CELF2: variants seen among roughly 807,000 people sequenced by gnomAD.
CELF2 encodes CUGBP Elav-like family member 2.
CELF2 carries 8 observed loss-of-function variants against 62.6 expected under a neutral mutation model. The ratio of observed to expected loss-of-function variants is 0.13; its 90% CI spans 0.07 to 0.23. The LOEUF (loss-of-function observed/expected upper bound fraction) is 0.23. Among genes scored for constraint, CELF2 ranks in the 10% least tolerant of loss-of-function variants. The pLI, the probability that CELF2 is intolerant of heterozygous loss-of-function variation, is 1.00. For synonymous variants in CELF2, 258 were observed against 250.0 expected (o/e 1.03, Z -0.30); for missense variants, 333 against 671.0 (o/e 0.50, Z 5.56).
chr10:11,167,601 T>A (rs1455622132), intron 2 of CELF2, among the ~76,000 whole-genome samples: 1 of 152,246 alleles, frequency 6.6e-6, no homozygotes. Flanking sequence ...GTCTCTCTCT[T>A]GCCCAGATGT....
At chr10:10,479,233 A>G in the CELF2 span, among the ~76,000 whole-genome samples, 4 of 152,134 alleles carry the variant, frequency 2.6e-5, no homozygotes, top group East Asian at 1.9e-4. Context: ...CAGTGGCACA[A>G]TCTCAGGTCA....
chr10:10,903,183 G>T (rs2063071222), intron 1 of CELF2, among the ~76,000 whole-genome samples: 1 of 152,166 alleles, frequency 6.6e-6, no homozygotes, highest in African/African-American at 2.4e-5. Context: ...CCACTGGAAT[G>T]CTGGCTCACA....
chr10:10,735,473 T>C, the CELF2 span, among the ~76,000 whole-genome samples: 2 of 152,190 alleles, frequency 1.3e-5, no homozygotes, highest in South Asian at 2.1e-4. Flanking sequence ...GTAGCAATGA[T>C]ATGCTTTATA....
chr10:10,645,230 G>A, the CELF2 span, among the ~76,000 whole-genome samples: 1 of 152,164 alleles, frequency 6.6e-6, no homozygotes, highest in East Asian at 1.9e-4. Flanking sequence ...GTTTCAGGGA[G>A]AAGCACCATT....
rs1019253310 is a variant in CELF2, at chr10:10,850,170, T to G, written c.53+51353T>G. On this transcript the variant is annotated intron_variant, in intron 1 of 13. Coordinates refer to the CELF2 transcript ENST00000636488. ...TCTCAAAAATAAAAAAATTAAAAAA[T>G]TGGCCAATATAAGTAGCAAAGGAAG... 2.0e-5 allele frequency among the ~76,000 whole-genome samples: 3 copies of G among 151,750 alleles called. No homozygotes were observed. The East Asian group carries it at 5.8e-4, about 29-fold the overall frequency.
rs1458934051 is a variant in CELF2, at chr10:11,145,565, A to T, written c.75-19921A>T. Among the ~76,000 whole-genome samples the T allele has an allele frequency of 6.6e-6, 1 of 152,210 alleles. No individual in the cohort carries two copies. The highest frequency in any genetic ancestry group is 6.5e-5 in the Admixed American group (1 of 15,288). On this transcript the variant is annotated intron_variant, in intron 1 of 12. Coordinates refer to ENST00000633077, the MANE Select transcript of CELF2 (RefSeq NM_001326342.2). The surrounding 1 kb of genome is among the most constrained non-coding windows in gnomAD (Gnocchi z 4.3). ...GGAAATCTATATTCTCAAATCAGCT[A>T]CTGAAAAGGGTGGGGACGCTGAAGG... is the stretch of plus-strand genomic sequence containing the variant.
chr10:11,066,278 A>G lies in CELF2; in HGVS notation c.74+48115A>G, dbSNP rs1471385409. ...AATTTCATCTCTTTTCTGGAACCAC[A>G]CCTTTTTTTTCCTTCTCTGAAAATT... On this transcript the variant is annotated intron_variant, in intron 1 of 12. Transcript: ENST00000633077. Among the ~76,000 whole-genome samples the G allele has an allele frequency of 2.6e-5, 4 of 151,790 alleles. No homozygotes were observed. The East Asian group carries it at 7.7e-4, about 29-fold the overall frequency.
intron 1 of CELF2, among the ~76,000 whole-genome samples, chr10:10,904,281 C>T (rs1409642144): frequency 6.6e-6 from 1 of 151,212 alleles, no homozygotes; most frequent in Non-Finnish European, 1.5e-5. Flanking sequence ...GGCTAGAGTG[C>T]AGTGGTGTGA....
chr10:11,299,453 G>A (rs1328832231), intron 9 of CELF2, among the ~76,000 whole-genome samples: 1 of 151,998 alleles, frequency 6.6e-6, no homozygotes, highest in Non-Finnish European at 1.5e-5. Flanking sequence ...TGGACAAGCT[G>A]CCCCCCAACC....
At chr10:10,611,963 G>A in the CELF2 span, among the ~76,000 whole-genome samples, 1 of 152,154 alleles carries the variant, frequency 6.6e-6, no homozygotes, top group African/African-American at 2.4e-5. Context: ...ACTCCAAGGA[G>A]ATCCATGATT....
chr10:11,163,823 C>T (rs1209358685), intron 1 of CELF2, among the ~76,000 whole-genome samples: 1 of 152,216 alleles, frequency 6.6e-6, no homozygotes, highest in Admixed American at 6.5e-5. Context: ...CAGGATTTTT[C>T]CTTACCCCGT....
Position 11,329,310 on chromosome 10 carries a change from G to GT in CELF2, c.*257_*258insT. On this transcript the variant is annotated 3_prime_UTR_variant, in exon 13 of 13. Coordinates refer to ENST00000633077, the MANE Select transcript of CELF2 (RefSeq NM_001326342.2). The surrounding 1 kb of genome is among the most constrained non-coding windows in gnomAD (Gnocchi z 5.5). ...GCCACTGTATTCTCCTTTGTTTTGC[G>GT]ATTTGAATCTCCTTTTACCTTTTTT... The GT allele has an allele frequency of 3.4e-6, 1 of 289,910 alleles. No homozygotes were observed. The allele number at this position is 289,910 out of a possible 1,614,324, so 18.0% of individuals were successfully genotyped here.
intron 2 of CELF2, chr10:11,171,282 C>T (rs1254629683): frequency 6.6e-6 from 1 of 152,192 alleles, no homozygotes. Flanking sequence ...ACAAGAGCAG[C>T]TTTTGTGTGG....
At chr10:11,264,484 C>T (rs369716711) in intron 5 of CELF2, among the ~76,000 whole-genome samples, 88 of 152,340 alleles carry the variant, frequency 5.8e-4, no homozygotes, top group Non-Finnish European at 1.0e-3. Flanking sequence ...GCCCAGGCTC[C>T]GCTTGGTTTC....
rs180852996 is a variant in CELF2, at chr10:10,812,673, C to G, written c.53+13856C>G. On this transcript the variant is annotated intron_variant, in intron 1 of 13. Transcript: ENST00000636488. ...GAGAACTTCTCACTAAGCCCCCTCC[C>G]TGGCTGTCCACCCTCAGGTGGAAGT... Among the ~76,000 whole-genome samples, 398 of 152,308 alleles carry G rather than the reference C, an allele frequency of 2.6e-3. 2 individuals carry two copies. Among genetic ancestry groups the G allele is most frequent in the African/African-American group, 9.1e-3 (378 of 41,572 alleles).
chr10:11,223,772 C>T lies in CELF2; in HGVS notation c.354+6265C>T, dbSNP rs2065621416. 1.3e-5 allele frequency among the ~76,000 whole-genome samples: 2 copies of T among 152,118 alleles called. No homozygotes were observed. The highest frequency in any genetic ancestry group is 6.5e-5 in the Admixed American group (1 of 15,280). ...TGCAACAGGATGGCTCCCAGCTGAG[C>T]GGTATAGATCCAGGAGAGGATATCG... On this transcript the variant is annotated intron_variant, in intron 3 of 12. Transcript: ENST00000633077. This position sits in a 1 kb window ranked among gnomAD's most constrained non-coding sequence, Gnocchi z 5.1.
intron 7 of CELF2, among the ~76,000 whole-genome samples, chr10:11,274,444 C>T (rs183989915): frequency 6.6e-6 from 1 of 152,322 alleles, no homozygotes; most frequent in Admixed American, 6.5e-5. Flanking sequence ...ATTTACAACG[C>T]GTGACTTCGA....
chr10:11,022,718 C>T (rs924948920), intron 1 of CELF2, among the ~76,000 whole-genome samples: 1 of 152,134 alleles, frequency 6.6e-6, no homozygotes, highest in East Asian at 1.9e-4. Context: ...GTTTGGCATG[C>T]AAAATGATCT....
the CELF2 span, among the ~76,000 whole-genome samples, chr10:10,562,608 C>A: frequency 6.6e-6 from 1 of 152,148 alleles, no homozygotes. Context: ...ACCGTGTCTC[C>A]CTTGGAAAAC....
Sources: allele counts gnomAD v4.1 joint callset (sites outside exome capture counted in the v4.1 genomes callset), GRCh38; gene constraint gnomAD v4.1.1; non-coding constraint Gnocchi (gnomAD v3.1); transcripts MANE v1.5; gene names NCBI Gene and HGNC (gene_info 2026-07-23, HGNC 2026-07-21).